PCDHGA7: variants seen among roughly 807,000 people sequenced by gnomAD.
PCDHGA7 encodes protocadherin gamma subfamily A, 7.
In PCDHGA7, 44 loss-of-function variants were observed where a neutral mutation model predicts 58.3. The observed-to-expected ratio is 0.75, with a 90% CI of 0.59 to 0.97. The LOEUF is 0.97. Among genes scored for constraint, PCDHGA7 ranks in the 50% least tolerant of loss-of-function variants. The probability of loss-of-function intolerance (pLI) is 0.00; values close to 1 mark genes in which losing one functional copy is unlikely to be tolerated. For missense variants in PCDHGA7, 1,266 were observed against 1,188.7 expected (o/e 1.06, Z -0.96); for synonymous variants, 516 against 504.2 (o/e 1.02, Z -0.31).
Position 141,490,102 on chromosome 5 carries a change from G to A in PCDHGA7, c.2425-4705G>A, listed in dbSNP as rs377649214. On this transcript the variant is annotated intron_variant, in intron 1 of 3. Coordinates refer to ENST00000518325, the MANE Select transcript of PCDHGA7 (RefSeq NM_018920.4). The surrounding 1 kb of genome is among the most constrained non-coding windows in gnomAD (Gnocchi z 5.4). ...TTCTTTTGGAGACCACACATCTGAG[G>A]CAGTGCGGAACCTCTTTGGCCTAGA... 4.3e-6 allele frequency: 7 copies of A among 1,614,144 alleles called. No homozygotes were observed. The African/African-American group carries it at 9.3e-5, about 22-fold the overall frequency.
intron 1 of PCDHGA7, among the ~76,000 whole-genome samples, chr5:141,444,758 T>C (rs1430492886): frequency 1.3e-5 from 2 of 152,262 alleles, no homozygotes; most frequent in East Asian, 3.8e-4. Flanking sequence ...TATGTAGTTC[T>C]ATTTCTATAT....
Position 141,394,682 on chromosome 5 carries a change from G to A in PCDHGA7, c.2424+9359G>A, listed in dbSNP as rs546310598. 6.3e-5 allele frequency: 102 copies of A among 1,611,492 alleles called. No individual in the cohort carries two copies. The South Asian group carries it at 1.0e-3, about 16-fold the overall frequency. ...GACTCTTCTCGGTGGGTCTGCACAC[G>A]GGCGAGGTGCGCACGGCGCGAGCCC... On this transcript the variant is annotated intron_variant, in intron 1 of 3. Coordinates refer to ENST00000518325, the MANE Select transcript of PCDHGA7 (RefSeq NM_018920.4).
At chr5:141,478,322 C>G (rs1360535508) in intron 1 of PCDHGA7, 28 of 1,613,976 alleles carry the variant, frequency 1.7e-5, no homozygotes, top group Non-Finnish European at 2.3e-5. Context: ...CTCACTGTAC[C>G]GAACACCAGG....
At position 141,431,580 on chromosome 5, in the gene PCDHGA7, A is replaced by G. The variant is rs777990962; in HGVS notation, c.2424+46257A>G. ...GCTACCGACCCTGACGAAGGAGTCA[A>G]TGCGGAAGTGAGGTATTCCTTCCGG... On this transcript the variant is annotated intron_variant, in intron 1 of 3. Coordinates refer to ENST00000518325, the MANE Select transcript of PCDHGA7 (RefSeq NM_018920.4). The surrounding 1 kb of genome is among the most constrained non-coding windows in gnomAD (Gnocchi z 4.8). 1.2e-5 allele frequency: 19 copies of G among 1,614,098 alleles called. No homozygotes were observed. Among genetic ancestry groups the G allele is most frequent in the Non-Finnish European group, 1.5e-5 (18 of 1,180,040 alleles).
At chr5:141,457,677 T>C (rs1386991642) in intron 1 of PCDHGA7, among the ~76,000 whole-genome samples, 1 of 152,262 alleles carries the variant, frequency 6.6e-6, no homozygotes, top group Non-Finnish European at 1.5e-5. Flanking sequence ...TATTTCTACA[T>C]AGGACTTTTG....
intron 1 of PCDHGA7, among the ~76,000 whole-genome samples, chr5:141,488,497 C>CA (rs1415483796): frequency 4.6e-5 from 7 of 152,204 alleles, no homozygotes; most frequent in African/African-American, 1.7e-4. Flanking sequence ...CTGTAACACT[C>CA]ATTCCACATT....
rs1011504923 is a variant in PCDHGA7, at chr5:141,408,109, C to A, written c.2424+22786C>A. ...GGATTGCCAGCTCCGAGACCCGGGA[C>A]TCCTCCTGTCCTGGGCCGAATGCTC... is the stretch of plus-strand genomic sequence containing the variant. On this transcript the variant is annotated intron_variant, in intron 1 of 3. Transcript: ENST00000518325. 6 of 1,445,662 alleles carry A rather than the reference C, an allele frequency of 4.2e-6. No homozygotes were observed. In the African/African-American group the frequency reaches 5.7e-5, roughly 14 times the overall value. 89.6% of individuals were successfully genotyped at this position (1,445,662 alleles called of 1,614,324 possible). A position where few individuals can be genotyped will look rare whatever the true frequency, so the allele number is the denominator to read the frequency against.
In PCDHGA7 at chr5:141,404,595, T is replaced by C. The variant is rs1035989165; in HGVS notation, c.2424+19272T>C. On this transcript the variant is annotated intron_variant, in intron 1 of 3. Transcript: ENST00000518325. ...CCACCACTTAGCAGCAATGTGTCAT[T>C]GAGACTGTTTGTTTTGGACCAGAAT... is the stretch of plus-strand genomic sequence containing the variant. 44 of 1,613,678 alleles carry C rather than the reference T, an allele frequency of 2.7e-5. No homozygotes were observed. Among genetic ancestry groups the C allele is most frequent in the Non-Finnish European group, 3.6e-5 (43 of 1,179,690 alleles).
At chr5:141,393,845 AC>A in intron 1 of PCDHGA7, 1 of 1,613,966 alleles carries the variant, frequency 6.2e-7, no homozygotes, top group South Asian at 1.1e-5. Flanking sequence ...ATGACAATAG[AC>A]CAGAAGTGAT....
In PCDHGA7 at chr5:141,486,269, G is replaced by T; in HGVS notation, c.2425-8538G>T. 6.2e-7 allele frequency: 1 copy of T among 1,613,996 alleles called. No homozygotes were observed. The highest frequency in any genetic ancestry group is 8.5e-7 in the Non-Finnish European group (1 of 1,179,956). On this transcript the variant is annotated intron_variant, in intron 1 of 3. Transcript: ENST00000518325. The surrounding 1 kb of genome is among the most constrained non-coding windows in gnomAD (Gnocchi z 5.0). ...AACCCTCCCCGAGAGTGCAGAACCT[G>T]GCACTGTGGTGGCACTTATCAGTGT...
rs760070878 is a variant in PCDHGA7, at chr5:141,490,862, C to T, written c.2425-3945C>T. On this transcript the variant is annotated intron_variant, in intron 1 of 3. Coordinates refer to ENST00000518325, the MANE Select transcript of PCDHGA7 (RefSeq NM_018920.4). This position sits in a 1 kb window ranked among gnomAD's most constrained non-coding sequence, Gnocchi z 5.4. ...GTGGTGGGGGTTCGAGACTCCGGCTCTCCCCCATTGCATGCCAACACATCT... is the reference window on the plus strand; with the variant it reads ...GTGGTGGGGGTTCGAGACTCCGGCTTTCCCCCATTGCATGCCAACACATCT... 2.0e-5 allele frequency: 33 copies of T among 1,613,878 alleles called. No individual in the cohort carries two copies. Among genetic ancestry groups the T allele is most frequent in the Non-Finnish European group, 2.8e-5 (33 of 1,179,920 alleles).
intron 1 of PCDHGA7, chr5:141,478,623 G>GT (rs1337268572): frequency 1.3e-5 from 20 of 1,554,356 alleles, no homozygotes; most frequent in Admixed American, 3.9e-5. Flanking sequence ...GAATGGAGCT[G>GT]TTTTTTTAGT....
In PCDHGA7 at chr5:141,485,062, C is replaced by T. The variant is rs2099606141; in HGVS notation, c.2425-9745C>T. 2.3e-6 allele frequency: 2 copies of T among 876,222 alleles called. No individual in the cohort carries two copies. Among genetic ancestry groups the T allele is most frequent in the Non-Finnish European group, 3.6e-6 (2 of 552,684 alleles). 54.3% of individuals were successfully genotyped at this position (876,222 alleles called of 1,614,324 possible). ...CCTTGCGGCGCCGGCCGAACCGCGCCAGAGCTGGCGCGGGGAAAGGGAGAT... is the reference window on the plus strand; with the variant it reads ...CCTTGCGGCGCCGGCCGAACCGCGCTAGAGCTGGCGCGGGGAAAGGGAGAT... On this transcript the variant is annotated intron_variant, in intron 1 of 3. Coordinates refer to ENST00000518325, the MANE Select transcript of PCDHGA7 (RefSeq NM_018920.4). The surrounding 1 kb of genome is among the most constrained non-coding windows in gnomAD (Gnocchi z 5.7).
At chr5:141,464,279 C>CAA (rs373828487) in intron 1 of PCDHGA7, among the ~76,000 whole-genome samples, 8,568 of 137,664 alleles carry the variant, frequency 0.062, 499 homozygotes, top group African/African-American at 0.16. Context: ...AAAAAAAAAG[C>CAA]AAAAAAAAAA....
At chr5:141,440,472 A>C (rs913774913) in intron 1 of PCDHGA7, 6 of 152,322 alleles carry the variant, frequency 3.9e-5, no homozygotes, top group Admixed American at 3.9e-4. Flanking sequence ...ACGGTAGTTG[A>C]AAATTCTTTA....
At chr5:141,441,932 C>A in intron 1 of PCDHGA7, 1 of 347,904 alleles carries the variant, frequency 2.9e-6, no homozygotes. Flanking sequence ...GCGTGGCTGT[C>A]CTACCACGTG....
At chr5:141,466,871 T>G (rs1432611218) in intron 1 of PCDHGA7, among the ~76,000 whole-genome samples, 1 of 152,166 alleles carries the variant, frequency 6.6e-6, no homozygotes, top group Admixed American at 6.5e-5. Flanking sequence ...ATCCACACAT[T>G]TTTTTCATAA....
intron 3 of PCDHGA7, among the ~76,000 whole-genome samples, 153 bp from the exon 4 acceptor site, chr5:141,510,790 GAAGA>G (rs982513431): frequency 6.6e-5 from 10 of 152,264 alleles, no homozygotes; most frequent in African/African-American, 2.4e-4. Context: ...CAACTCTTGT[GAAGA>G]GAGACTACCT....
rs1342517284 is a variant in PCDHGA7 at position 141,383,674 on chromosome 5, A to G, written c.775A>G (p.Thr259Ala). ...TGTCCCCGAGAATGTGCCAGTGGGT[A>G]CAAGACTGCTCACGGTACATGCTAT... ...VTVPENVPVG[T>A]RLLTVHAIDL... Residue 259 changes from threonine (T) to alanine (A), a missense_variant, in exon 1 of 4, where the codon ACA becomes GCA. Coordinates refer to ENST00000518325, the MANE Select transcript of PCDHGA7 (RefSeq NM_018920.4). 9.3e-6 allele frequency: 15 copies of G among 1,614,034 alleles called. No individual in the cohort carries two copies. The East Asian group carries it at 3.3e-4, about 36-fold the overall frequency.
Sources: gnomAD v4.1 joint callset for allele counts (sites outside exome capture counted in the v4.1 genomes callset) on GRCh38, gnomAD v4.1.1 for gene constraint, Gnocchi (gnomAD v3.1) non-coding constraint, MANE v1.5 for transcripts, NCBI Gene and HGNC (gene_info 2026-07-23, HGNC 2026-07-21) for gene names.